SAP130: variants seen among roughly 807,000 people sequenced by gnomAD.
SAP130 encodes Sin3A associated protein 130, also known as histone deacetylase complex subunit SAP130.
In SAP130, 16 loss-of-function variants were observed where a neutral mutation model predicts 103.2. That is an observed-to-expected ratio of 0.16 (90% confidence interval 0.10 to 0.24). SAP130 has a LOEUF of 0.24. Among genes scored for constraint, SAP130 ranks in the 10% least tolerant of loss-of-function variants. The pLI is 1.00. For missense variants in SAP130, 990 were observed against 1,359.7 expected (o/e 0.73, Z 4.28); for synonymous variants, 477 against 497.0 (o/e 0.96, Z 0.53).
intron 15 of SAP130, among the ~76,000 whole-genome samples, chr2:127,974,123 C>T (rs747964834): frequency 5.8e-4 from 88 of 152,192 alleles, no homozygotes; most frequent in Non-Finnish European, 8.8e-4. Flanking sequence ...ACGATTTTAT[C>T]AGCTCTCACC....
At chr2:127,944,874 C>T (rs550943383) in intron 19 of SAP130, among the ~76,000 whole-genome samples, 108 of 141,448 alleles carry the variant, frequency 7.6e-4, no homozygotes, top group African/African-American at 2.9e-3. Context: ...TGCACTCCAA[C>T]CTGGGTAACA....
intron 3 of SAP130, 41 bp downstream of exon 3, chr2:128,017,639 C>T (rs771624907): frequency 1.8e-5 from 28 of 1,519,642 alleles, no homozygotes; most frequent in East Asian, 9.0e-5. Context: ...TAGCCAGTCT[C>T]GAGCTCTGGT....
rs1378743593 is a variant in SAP130 at position 128,017,934 on chromosome 2, G to A, written c.113-19C>T. Reference sequence around the variant, plus strand: ...TCATTGACTAGTAAAGACATTAAGAGTGAGACAGTATGTCACAGTCTCCCA... The same window carrying A: ...TCATTGACTAGTAAAGACATTAAGAATGAGACAGTATGTCACAGTCTCCCA... On this transcript the variant is annotated intron_variant, in intron 2 of 20. Coordinates refer to ENST00000643581, the MANE Select transcript of SAP130 (RefSeq NM_001330301.2). 3 of 1,589,030 alleles carry A rather than the reference G, an allele frequency of 1.9e-6. No individual in the cohort carries two copies. The highest frequency in any genetic ancestry group is 1.1e-5 in the South Asian group (1 of 90,400).
Position 127,945,367 on chromosome 2 carries a change from G to A in SAP130, c.2901+89C>T, listed in dbSNP as rs550552486. 18 of 771,448 alleles carry A rather than the reference G, an allele frequency of 2.3e-5. No homozygotes were observed. The African/African-American group carries it at 2.9e-4, about 13-fold the overall frequency. 47.8% of individuals were successfully genotyped at this position (771,448 alleles called of 1,614,324 possible). On this transcript the variant is annotated intron_variant, in intron 19 of 20. Coordinates refer to ENST00000643581, the MANE Select transcript of SAP130 (RefSeq NM_001330301.2). ...CCATGTTAGCTGGGAATGCTTCAGA[G>A]TTACTTTTAAAAAGTTCTATGAACT...
intron 6 of SAP130, among the ~76,000 whole-genome samples, chr2:128,011,285 C>G (rs1419397354): frequency 4.6e-5 from 7 of 152,230 alleles, no homozygotes; most frequent in Non-Finnish European, 8.8e-5. Flanking sequence ...TTCACATGGA[C>G]AGAGTGCCCT....
rs1685639543 is a variant in SAP130, at chr2:128,027,932, G to C, written c.-7+8C>G. Reference sequence around the variant, plus strand: ...CCCTTCCCTCCCGGGCGCCCGTCCCGCCATTACCTGGGTGCTGCGCCCAGT... The same window carrying C: ...CCCTTCCCTCCCGGGCGCCCGTCCCCCCATTACCTGGGTGCTGCGCCCAGT... On this transcript the variant is annotated splice_region_variant and intron_variant, in intron 1 of 20. Transcript: ENST00000643581. 1 of 984,622 alleles carries C rather than the reference G, an allele frequency of 1.0e-6. No individual in the cohort carries two copies. Among genetic ancestry groups the C allele is most frequent in the African/African-American group, 1.8e-5 (1 of 56,920 alleles). The allele number at this position is 984,622 out of a possible 1,614,324, so 61.0% of individuals were successfully genotyped here.
Position 127,955,353 on chromosome 2 carries a change from C to T in SAP130, c.2064-9G>A, listed in dbSNP as rs1679766873. ...CAGACTTGGGTTTGGCACTAAAACA[C>T]AAAAGAAAAGCACATGTAGCAAATA... On this transcript the variant is annotated splice_polypyrimidine_tract_variant and intron_variant, in intron 15 of 20. Transcript: ENST00000643581. The surrounding 1 kb of genome is among the most constrained non-coding windows in gnomAD (Gnocchi z 4.9). 1.3e-6 allele frequency: 2 copies of T among 1,532,784 alleles called. No individual in the cohort carries two copies. The highest frequency in any genetic ancestry group is 4.6e-5 in the East Asian group (2 of 43,878). 94.9% of individuals were successfully genotyped at this position (1,532,784 alleles called of 1,614,324 possible).
At chr2:127,965,253 C>A (rs928233209) in intron 15 of SAP130, among the ~76,000 whole-genome samples, 1 of 151,916 alleles carries the variant, frequency 6.6e-6, no homozygotes, top group African/African-American at 2.4e-5. Flanking sequence ...GCCGAGATTG[C>A]GCCACTGCAC....
At chr2:127,982,525 C>A (rs1463711895) in intron 14 of SAP130, among the ~76,000 whole-genome samples, 1 of 152,154 alleles carries the variant, frequency 6.6e-6, no homozygotes, top group African/African-American at 2.4e-5. Flanking sequence ...TGTCGACTAA[C>A]AGTGAAGACG....
At chr2:128,023,594 A>C (rs1327938108) in intron 2 of SAP130, among the ~76,000 whole-genome samples, 1 of 152,176 alleles carries the variant, frequency 6.6e-6, no homozygotes, top group Non-Finnish European at 1.5e-5. Flanking sequence ...CCTGGCTAAC[A>C]CAGTGAAACA....
rs763552794 is a variant in SAP130 at position 128,000,338 on chromosome 2, G to A, written c.986C>T (p.Thr329Met). The change falls in exon 8 of 21, where the codon ACG (threonine) becomes ATG (methionine). Residue 329 changes from threonine (T) to methionine (M), a missense_variant. Transcript: ENST00000643581. ...ITLPSHPALGTPKQQLHTMAQ... is the reference protein window; with the variant it reads ...ITLPSHPALGMPKQQLHTMAQ... ...CATTGTATGAAGCTGCTGTTTTGGC[G>A]TCCCTAATGCAGGGTGAGATGGTAG... 4.9e-5 allele frequency: 79 copies of A among 1,614,054 alleles called. No homozygotes were observed. Among genetic ancestry groups the A allele is most frequent in the Non-Finnish European group, 6.2e-5 (73 of 1,180,036 alleles).
At chr2:127,949,311 G>C (rs1679333535) in intron 18 of SAP130, among the ~76,000 whole-genome samples, 1 of 152,150 alleles carries the variant, frequency 6.6e-6, no homozygotes, top group African/African-American at 2.4e-5. Context: ...GCAGGTATTT[G>C]CAAAGTACTA....
At position 127,942,325 on chromosome 2, in the gene SAP130, T is replaced by C. The variant is rs1678766649; in HGVS notation, c.3015+99A>G. The stretch of plus-strand genomic sequence containing the variant: ...CAGGCTGAAGCACGTATGTTTTTAC[T>C]GAAGATATGAGGGAGACGGGGGGAA... On this transcript the variant is annotated intron_variant, in intron 20 of 20. Transcript: ENST00000643581. The surrounding 1 kb of genome is among the most constrained non-coding windows in gnomAD (Gnocchi z 4.8). The C allele has an allele frequency of 1.8e-6, 2 of 1,082,442 alleles. No individual in the cohort carries two copies. The highest frequency in any genetic ancestry group is 1.4e-6 in the Non-Finnish European group (1 of 717,204). The allele number at this position is 1,082,442 out of a possible 1,614,324, so 67.1% of individuals were successfully genotyped here. A position where few individuals can be genotyped will look rare whatever the true frequency, so the allele number is the denominator to read the frequency against.
intron 15 of SAP130, among the ~76,000 whole-genome samples, chr2:127,959,553 C>G (rs10168353): frequency 1.3e-5 from 2 of 152,144 alleles, no homozygotes; most frequent in Non-Finnish European, 2.9e-5. Flanking sequence ...AAGGCAATGC[C>G]CCCTCTTCCC....
intron 16 of SAP130, among the ~76,000 whole-genome samples, chr2:127,951,937 AG>A (rs1293478348): frequency 6.6e-6 from 1 of 152,194 alleles, no homozygotes; most frequent in Non-Finnish European, 1.5e-5. Context: ...ATGTTCATCA[AG>A]TCCCACCACC....
chr2:128,027,875 C>T (rs1057375968), intron 1 of SAP130, 65 bp downstream of exon 1: 17 of 951,550 alleles, frequency 1.8e-5, no homozygotes, highest in Non-Finnish European at 2.1e-5. Context: ...ACGCTGCAGC[C>T]CGGCTCAGCC....
At position 127,941,959 on chromosome 2, in the gene SAP130, C is replaced by A; in HGVS notation, c.*47G>T. On this transcript the variant is annotated 3_prime_UTR_variant, in exon 21 of 21. Coordinates refer to ENST00000643581, the MANE Select transcript of SAP130 (RefSeq NM_001330301.2). ...AACCAAAACCCTCCCCCCACCCCCA[C>A]CATCATTCTTCATAAATTTGCTTCC... 4 of 369,944 alleles carry A rather than the reference C, an allele frequency of 1.1e-5. No individual in the cohort carries two copies. The highest frequency in any genetic ancestry group is 1.5e-5 in the Non-Finnish European group (3 of 202,976). 22.9% of individuals were successfully genotyped at this position (369,944 alleles called of 1,614,324 possible).
chr2:127,954,128 C>T (rs75636502), intron 16 of SAP130, among the ~76,000 whole-genome samples: 4,222 of 152,178 alleles, frequency 0.028, 176 homozygotes, highest in African/African-American at 0.093. Flanking sequence ...CTTCATTTTT[C>T]CCTTCTGGAT....
At position 127,986,966 on chromosome 2, in the gene SAP130, C is replaced by A. The variant is rs368027557; in HGVS notation, c.1781-4G>T. On this transcript the variant is annotated splice_region_variant and splice_polypyrimidine_tract_variant and intron_variant, in intron 13 of 20. Transcript: ENST00000643581. The surrounding 1 kb of genome is among the most constrained non-coding windows in gnomAD (Gnocchi z 4.7). ...GCTCCATCTGCCAACACCACTGCTACAGGAGAGAGGCAACAGGAAAGAACA... is the reference window on the plus strand; with the variant it reads ...GCTCCATCTGCCAACACCACTGCTAAAGGAGAGAGGCAACAGGAAAGAACA... 19 of 1,606,644 alleles carry A rather than the reference C, an allele frequency of 1.2e-5. No individual in the cohort carries two copies. The African/African-American group carries it at 2.4e-4, about 20-fold the overall frequency.
Sources: allele counts gnomAD v4.1 joint callset (sites outside exome capture counted in the v4.1 genomes callset), GRCh38; gene constraint gnomAD v4.1.1; non-coding constraint Gnocchi (gnomAD v3.1); transcripts MANE v1.5; gene names NCBI Gene and HGNC (gene_info 2026-07-23, HGNC 2026-07-21).